Variants in NRK observed in about 807,000 individuals in gnomAD.
NRK encodes the protein Nik related kinase.
A neutral mutation model predicts 125.2 loss-of-function variants in NRK; 67 were observed. The observed-to-expected ratio is 0.54, with a 90% confidence interval of 0.44 to 0.66. The LOEUF is 0.66. NRK is among the 30% of genes least tolerant of loss of function. The pLI, the probability that NRK is intolerant of heterozygous loss-of-function variation, is 0.00. For missense variants in NRK, 1,224 were observed against 1,192.9 expected (o/e 1.03, Z -0.38); for synonymous variants, 458 against 429.0 (o/e 1.07, Z -0.84).
At chrX:105,825,266 A>T (rs1404920214) in intron 1 of NRK, among the ~76,000 whole-genome samples, 1 of 112,320 alleles carries the variant, frequency 8.9e-6, no homozygotes, top group Admixed American at 9.4e-5. Flanking sequence ...GAGTTGATAA[A>T]GCAAGTAAAG....
Position 105,945,974 on chromosome X carries a change from T to C in NRK, c.4162T>C (p.Phe1388Leu). ...KIQAADPVNR[F>L]KRPDELLHLL... ...ACAGGCAGCTGATCCAGTGAACCGG[T>C]TTAAGAGACCAGATGAGCTCCTTCA... is the stretch of plus-strand genomic sequence containing the variant. The change falls in exon 25 of 29, where the codon TTT becomes CTT. Residue 1388 changes from phenylalanine (F) to leucine (L), a missense_variant. Transcript: ENST00000243300. 8 of 1,210,560 alleles carry C rather than the reference T, an allele frequency of 6.6e-6. No homozygotes were observed. The highest frequency in any genetic ancestry group is 8.9e-6 in the Non-Finnish European group (8 of 894,743).
At chrX:105,908,705 A>T (rs2040250775) in intron 12 of NRK, 22 bp from the exon 13 acceptor site, 2 of 1,158,591 alleles carry the variant, frequency 1.7e-6, no homozygotes, top group Non-Finnish European at 2.3e-6. Context: ...TTGTATGCCA[A>T]TCATTTGTGT....
At chrX:105,901,876 A>G (rs1178629977) in intron 9 of NRK, among the ~76,000 whole-genome samples, 1 of 110,963 alleles carries the variant, frequency 9.0e-6, no homozygotes, top group Non-Finnish European at 1.9e-5. Flanking sequence ...GATGTGGACT[A>G]TTCCTCATCA....
At chrX:105,913,210 A>G (rs1409363946) in intron 14 of NRK, among the ~76,000 whole-genome samples, 1 of 111,787 alleles carries the variant, frequency 8.9e-6, no homozygotes, top group African/African-American at 3.2e-5. Flanking sequence ...GAAAGAGTCA[A>G]TTTTCATAGA....
Position 105,955,738 on chromosome X carries a change from A to C in NRK, c.*138A>C. 2.4e-6 allele frequency: 1 copy of C among 415,197 alleles called. No homozygotes were observed. Among genetic ancestry groups the C allele is most frequent in the Non-Finnish European group, 4.3e-6 (1 of 233,365 alleles). The allele number at this position is 415,197 out of a possible 1,213,427, so 34.2% of individuals were successfully genotyped here. On this transcript the variant is annotated 3_prime_UTR_variant, in exon 29 of 29. Coordinates refer to ENST00000243300, the MANE Select transcript of NRK (RefSeq NM_198465.4). ...CAAAACTTTACTTTTAATGTAGCAC[A>C]GAATAGTTTTAATGAGAAATGCAGC...
chrX:105,875,545 G>A (rs1925479204), intron 2 of NRK, among the ~76,000 whole-genome samples: 1 of 111,109 alleles, frequency 9.0e-6, no homozygotes, highest in Non-Finnish European at 1.9e-5. Context: ...TGGAGGACAG[G>A]ACTTAATAAA....
rs140553789 is a variant in NRK at position 105,918,780 on chromosome X, C to G, written c.2512+1108C>G. 9.1e-4 allele frequency among the ~76,000 whole-genome samples: 101 copies of G among 110,506 alleles called. No individual in the cohort carries two copies. The East Asian group carries it at 0.025, about 27-fold the overall frequency. On this transcript the variant is annotated intron_variant, in intron 16 of 28. Coordinates refer to ENST00000243300, the MANE Select transcript of NRK (RefSeq NM_198465.4). ...CATAGCATTGATAGAAGGGAGAAGG[C>G]ATCTGTGCAGATAATAGCTAAATGT...
At chrX:105,932,851 T>C (rs1010446532) in intron 19 of NRK, among the ~76,000 whole-genome samples, 2 of 111,599 alleles carry the variant, frequency 1.8e-5, no homozygotes, top group Admixed American at 1.9e-4. Context: ...ATATATCCCT[T>C]CCTTTCTACT....
In NRK at chrX:105,953,098, A is replaced by G. The variant is rs780391841; in HGVS notation, c.4578A>G (p.Gln1526=). Residue 1526 remains glutamine (Q), a synonymous_variant, in exon 28 of 29, where the codon CAA becomes CAG. Coordinates refer to ENST00000243300, the MANE Select transcript of NRK (RefSeq NM_198465.4). ...GQKAIEVRSL[Q]SRVLESELKR... Reference sequence around the variant, plus strand: ...AGGCCATTGAAGTGCGCTCTTTGCAATCCAGGGTTCTGGAAAGTGAGCTGA... The same window carrying G: ...AGGCCATTGAAGTGCGCTCTTTGCAGTCCAGGGTTCTGGAAAGTGAGCTGA... The G allele has an allele frequency of 3.3e-6, 4 of 1,198,333 alleles. No individual in the cohort carries two copies. Among genetic ancestry groups the G allele is most frequent in the Non-Finnish European group, 3.4e-6 (3 of 886,771 alleles).
In NRK at chrX:105,909,469, A is replaced by G. The variant is rs2040266280; in HGVS notation, c.1828A>G (p.Ile610Val). The G allele has an allele frequency of 2.5e-6, 3 of 1,209,550 alleles. No homozygotes were observed. The highest frequency in any genetic ancestry group is 3.4e-6 in the Non-Finnish European group (3 of 893,989). Residue 610 changes from isoleucine to valine, a missense_variant, in exon 13 of 29, where the codon ATT (isoleucine) becomes GTT (valine). Coordinates refer to ENST00000243300, the MANE Select transcript of NRK (RefSeq NM_198465.4). Reference protein sequence around the residue: ...LPLHLDTQVLIPVEGQTEGSP... With the variant: ...LPLHLDTQVLVPVEGQTEGSP... ...ACTACATTTGGATACTCAGGTGCTC[A>G]TTCCAGTAGAGGGGCAAACTGAAGG...
chrX:105,929,556 A>G (rs2034626377), intron 19 of NRK, among the ~76,000 whole-genome samples: 1 of 109,531 alleles, frequency 9.1e-6, no homozygotes, highest in African/African-American at 3.3e-5. Flanking sequence ...CATTTCGTTA[A>G]TTGTTTCTGG....
chrX:105,874,593 T>C (rs2039789612), intron 2 of NRK, among the ~76,000 whole-genome samples: 4 of 112,391 alleles, frequency 3.6e-5, no homozygotes, highest in African/African-American at 1.3e-4. Context: ...TTATTTGCTT[T>C]GTTATGTTTA....
intron 2 of NRK, among the ~76,000 whole-genome samples, chrX:105,863,082 A>G (rs1032203739): frequency 8.9e-6 from 1 of 111,744 alleles, no homozygotes; most frequent in Non-Finnish European, 1.9e-5. Flanking sequence ...ATGGTATGGT[A>G]TATGATTTTT....
At chrX:105,895,791 C>T (rs1188724941) in intron 7 of NRK, among the ~76,000 whole-genome samples, 1 of 111,529 alleles carries the variant, frequency 9.0e-6, no homozygotes, top group African/African-American at 3.3e-5. Flanking sequence ...TTGGCCATCG[C>T]TTTACCCTCT....
At chrX:105,920,026 G>C (rs1301967382) in intron 16 of NRK, among the ~76,000 whole-genome samples, 13 of 104,132 alleles carry the variant, frequency 1.2e-4, no homozygotes, top group African/African-American at 4.6e-4. Flanking sequence ...TATGGTTTTA[G>C]GTCTAACGTT....
intron 19 of NRK, 35 bp downstream of exon 19, chrX:105,925,066 C>A: frequency 9.9e-7 from 1 of 1,006,368 alleles, no homozygotes. Flanking sequence ...TTGAACTCCT[C>A]TCATTGCGAA....
intron 9 of NRK, among the ~76,000 whole-genome samples, chrX:105,904,200 A>C (rs1161602703): frequency 7.1e-5 from 8 of 111,994 alleles, no homozygotes; most frequent in Non-Finnish European, 1.9e-5. Context: ...TGTTAGATGA[A>C]ATTGACACTG....
At chrX:105,824,618 A>T (rs1299968376) in intron 1 of NRK, among the ~76,000 whole-genome samples, 1 of 49,262 alleles carries the variant, frequency 2.0e-5, no homozygotes, top group African/African-American at 2.1e-4. Context: ...TTACTGCCAC[A>T]AAAAAAAAAA....
intron 19 of NRK, among the ~76,000 whole-genome samples, chrX:105,926,643 C>A (rs957113594): frequency 1.8e-5 from 2 of 111,267 alleles, no homozygotes; most frequent in African/African-American, 6.5e-5. Flanking sequence ...ATTTAAGTCT[C>A]TAATCTATTT....
Sources: gnomAD v4.1 joint callset for allele counts (sites outside exome capture counted in the v4.1 genomes callset) on GRCh38, gnomAD v4.1.1 for gene constraint, MANE v1.5 for transcripts, NCBI Gene and HGNC (gene_info 2026-07-23, HGNC 2026-07-21) for gene names.